The following PRKCE variants were observed in gnomAD, a reference collection of about 807,000 sequenced individuals.
The protein encoded by PRKCE is protein kinase C epsilon, also known as protein kinase C epsilon type.
PRKCE carries 16 observed loss-of-function variants against 85.4 expected under a neutral mutation model. That is an observed-to-expected ratio of 0.19 (90% CI 0.13 to 0.28). The LOEUF (loss-of-function observed/expected upper bound fraction) is 0.28, where lower values mean the gene tolerates loss of function less well. PRKCE is among the 10% of genes least tolerant of loss of function. The pLI is 1.00. For missense variants in PRKCE, 573 were observed against 975.2 expected (o/e 0.59, Z 5.49); for synonymous variants, 388 against 371.5 (o/e 1.04, Z -0.51).
At chr2:45,787,615 G>A (rs1302774371) in intron 1 of PRKCE, among the ~76,000 whole-genome samples, 1 of 152,140 alleles carries the variant, frequency 6.6e-6, no homozygotes, top group Non-Finnish European at 1.5e-5. Context: ...TCAACCAGGG[G>A]TATCCCATTT....
At chr2:45,916,440 T>C (rs1332052390) in intron 2 of PRKCE, among the ~76,000 whole-genome samples, 1 of 151,802 alleles carries the variant, frequency 6.6e-6, no homozygotes, top group Admixed American at 6.6e-5. Flanking sequence ...GAGATGGGGG[T>C]CTCACTGTTG....
intron 14 of PRKCE, among the ~76,000 whole-genome samples, chr2:46,163,396 G>C: frequency 6.8e-6 from 1 of 147,912 alleles, no homozygotes; most frequent in African/African-American, 2.5e-5. Context: ...GAGAGACACG[G>C]GGAAGCTGAG....
Position 45,652,274 on chromosome 2 carries a change from G to T in PRKCE, c.174G>T (p.Gln58His). ...DSRIGQTATK[Q>H]KTNSPAWHDE... ...GCATCGGCCAAACGGCCACCAAGCA[G>T]AAGACCAACAGCCCGGCCTGGCACG... Residue 58 changes from glutamine (Q) to histidine (H), a missense_variant, in exon 1 of 15, where the codon CAG (glutamine) becomes CAT (histidine). Gln to His is a conservative substitution (Grantham distance 24, BLOSUM62 0). Around this residue, in one of 11 missense-constraint regions of PRKCE, gnomAD observed 100 missense variants for 177.1 expected, o/e 0.56. Coordinates refer to ENST00000306156, the MANE Select transcript of PRKCE (RefSeq NM_005400.3). The surrounding 1 kb of genome is among the most constrained non-coding windows in gnomAD (Gnocchi z 7.7). 1 of 1,613,364 alleles carries T rather than the reference G, an allele frequency of 6.2e-7. No homozygotes were observed.
chr2:45,652,191 C>A lies in PRKCE; in HGVS notation c.91C>A (p.Pro31Thr), dbSNP rs536386524. 1.9e-6 allele frequency: 3 copies of A among 1,613,308 alleles called. No individual in the cohort carries two copies. The African/African-American group carries it at 4.0e-5, about 22-fold the overall frequency. Residue 31 changes from proline to threonine, a missense_variant, in exon 1 of 15, where the codon CCC (proline) becomes ACC (threonine). Pro to Thr is a conservative substitution (Grantham distance 38). Coordinates refer to ENST00000306156, the MANE Select transcript of PRKCE (RefSeq NM_005400.3). This position sits in a 1 kb window ranked among gnomAD's most constrained non-coding sequence, Gnocchi z 7.7. ...TAWSLRHAVG[P>T]RPQTFLLDPY... is the part of the protein sequence containing the mutation. Reference sequence around the variant, plus strand: ...CTGGTCGCTGCGCCATGCGGTGGGACCCCGGCCGCAGACTTTCCTTCTCGA... The same window carrying A: ...CTGGTCGCTGCGCCATGCGGTGGGAACCCGGCCGCAGACTTTCCTTCTCGA...
intron 1 of PRKCE, among the ~76,000 whole-genome samples, chr2:45,838,241 C>G (rs936362750): frequency 6.6e-6 from 1 of 152,188 alleles, no homozygotes; most frequent in Non-Finnish European, 1.5e-5. Context: ...GACTGCACCT[C>G]GGACTGGATT....
intron 10 of PRKCE, among the ~76,000 whole-genome samples, chr2:46,035,824 T>C (rs2104973053): frequency 6.6e-6 from 1 of 152,338 alleles, no homozygotes; most frequent in South Asian, 2.1e-4. Flanking sequence ...ACCTGCTACA[T>C]GCAAGGCACA....
At chr2:46,129,111 A>G (rs965096561) in intron 11 of PRKCE, among the ~76,000 whole-genome samples, 2 of 152,162 alleles carry the variant, frequency 1.3e-5, no homozygotes, top group African/African-American at 2.4e-5. Flanking sequence ...CAGATTTGTC[A>G]TCTTTAAAAT....
chr2:46,054,882 T>C (rs1666414385), intron 10 of PRKCE, among the ~76,000 whole-genome samples: 1 of 152,058 alleles, frequency 6.6e-6, no homozygotes, highest in Non-Finnish European at 1.5e-5. Flanking sequence ...GGGCGGACAT[T>C]GGAGAGAAGC....
chr2:45,691,197 A>G (rs1398002670), intron 1 of PRKCE, among the ~76,000 whole-genome samples: 4 of 152,158 alleles, frequency 2.6e-5, no homozygotes, highest in Non-Finnish European at 4.4e-5. Flanking sequence ...CTCCATTACA[A>G]TCTGTGCAAG....
chr2:45,912,680 G>C (rs534264610), intron 2 of PRKCE, among the ~76,000 whole-genome samples: 1 of 152,142 alleles, frequency 6.6e-6, no homozygotes, highest in African/African-American at 2.4e-5. Context: ...CCTTAGAAGC[G>C]CATCTCACCG....
At chr2:46,151,694 G>T (rs1035394044) in intron 13 of PRKCE, among the ~76,000 whole-genome samples, 3 of 152,240 alleles carry the variant, frequency 2.0e-5, no homozygotes, top group Non-Finnish European at 2.9e-5. Context: ...CTGTGTCCAC[G>T]ACAGCATCAC....
rs531438127 is a variant in PRKCE at position 45,739,831 on chromosome 2, T to A, written c.348+87383T>A. 4.9e-3 allele frequency among the ~76,000 whole-genome samples: 746 copies of A among 152,214 alleles called. 5 individuals are homozygous for A. Among genetic ancestry groups the A allele is most frequent in the Non-Finnish European group, 7.7e-3 (521 of 68,008 alleles). ...AGAACTCTACACTAAAAAGGGAAAA[T>A]TTCACAGTATGTAAATTATACTTGA... On this transcript the variant is annotated intron_variant, in intron 1 of 14. Transcript: ENST00000306156.
intron 1 of PRKCE, among the ~76,000 whole-genome samples, chr2:45,823,176 G>A (rs1393156727): frequency 1.3e-5 from 2 of 152,202 alleles, no homozygotes; most frequent in Non-Finnish European, 2.9e-5. Context: ...ACTCCACTAG[G>A]GCTTTGAATA....
chr2:45,926,051 A>G (rs1698590781), intron 2 of PRKCE, among the ~76,000 whole-genome samples: 2 of 152,204 alleles, frequency 1.3e-5, no homozygotes, highest in African/African-American at 4.8e-5. Context: ...GGGAATTTCT[A>G]GAATATTGTG....
At chr2:45,972,147 A>T (rs1702151701) in intron 2 of PRKCE, among the ~76,000 whole-genome samples, 1 of 152,148 alleles carries the variant, frequency 6.6e-6, no homozygotes, top group Admixed American at 6.5e-5. Flanking sequence ...TTTTTATCAT[A>T]GCCATCTTAA....
At chr2:46,010,947 A>G in intron 10 of PRKCE, 1 of 1,414,522 alleles carries the variant, frequency 7.1e-7, no homozygotes, top group Non-Finnish European at 9.2e-7. Context: ...ATCTGAAATA[A>G]AGGATGTGAA....
At chr2:46,133,789 G>A (rs1226924710) in intron 11 of PRKCE, among the ~76,000 whole-genome samples, 1 of 152,234 alleles carries the variant, frequency 6.6e-6, no homozygotes, top group Non-Finnish European at 1.5e-5. Context: ...TGGAGTTCAT[G>A]TGAGGAAACC....
chr2:45,881,152 C>G (rs1047757775), intron 2 of PRKCE, among the ~76,000 whole-genome samples: 7 of 91,460 alleles, frequency 7.7e-5, no homozygotes, highest in Non-Finnish European at 1.6e-4. Flanking sequence ...GACTCCGTCT[C>G]AAAAAAAAAA....
intron 11 of PRKCE, among the ~76,000 whole-genome samples, chr2:46,088,574 T>C (rs114127465): frequency 2.1e-3 from 320 of 152,330 alleles, no homozygotes; most frequent in African/African-American, 7.4e-3. Context: ...TTATTCTTAA[T>C]CTACATGCTC....
Sources: gnomAD v4.1 joint callset for allele counts (sites outside exome capture counted in the v4.1 genomes callset) on GRCh38, gnomAD v4.1.1 for gene constraint, gnomAD v4.1.1 regional missense constraint, Gnocchi (gnomAD v3.1) non-coding constraint, MANE v1.5 for transcripts, NCBI Gene and HGNC (gene_info 2026-07-23, HGNC 2026-07-21) for gene names.